The following NEB variants were observed in gnomAD, a reference collection of about 807,000 sequenced individuals.
The protein encoded by NEB is nebulin, also known as nemaline myopathy type 2.
In NEB, 512 loss-of-function variants were observed where a neutral mutation model predicts 952.2. The observed-to-expected ratio is 0.54, with a 90% CI of 0.50 to 0.58. The LOEUF is 0.58. Among genes scored for constraint, NEB ranks in the 20% least tolerant of loss-of-function variants. The probability of loss-of-function intolerance (pLI) is 0.00; values close to 1 mark genes in which losing one functional copy is unlikely to be tolerated. For synonymous variants in NEB, 2,900 were observed against 3,149.8 expected, an observed-to-expected ratio of 0.92 and a Z score of 2.66; for missense variants, 8,428 against 9,231.1, an observed-to-expected ratio of 0.91 and a Z score of 3.56.
chr2:151,559,507 C>T (rs530166491), intron 124 of NEB, among the ~76,000 whole-genome samples: 2 of 152,344 alleles, frequency 1.3e-5, no homozygotes, highest in African/African-American at 4.8e-5. Flanking sequence ...TTTATTGCAG[C>T]ACTCTTCACC....
In NEB at chr2:151,560,958, G is replaced by T. The variant is rs76261031; in HGVS notation, c.19206+46C>A. The T allele has an allele frequency of 0.021, 25,195 of 1,176,964 alleles. 325 individuals are homozygous for T. The highest frequency in any genetic ancestry group is 0.038 in the African/African-American group (2,479 of 65,678). The allele number at this position is 1,176,964 out of a possible 1,614,324, so 72.9% of individuals were successfully genotyped here. ...ATTTATTCTCTTACTGTCCCAGAAG[G>T]GGGAAAGGTGGCTCATATATAAGGG... is the stretch of plus-strand genomic sequence containing the variant. On this transcript the variant is annotated intron_variant, in intron 123 of 181. Coordinates refer to ENST00000397345, the MANE Select transcript of NEB (RefSeq NM_001164508.2).
chr2:151,538,529 G>T (rs1358684585), intron 138 of NEB, among the ~76,000 whole-genome samples: 6 of 152,082 alleles, frequency 3.9e-5, no homozygotes, highest in Non-Finnish European at 8.8e-5. Context: ...GAGGATATGG[G>T]TGTTCCCCTG....
At chr2:151,497,781 T>C in intron 170 of NEB, 63 bp from the exon 171 acceptor site, 1 of 1,544,692 alleles carries the variant, frequency 6.5e-7, no homozygotes, top group Non-Finnish European at 8.7e-7. Context: ...TTGGGACTTT[T>C]TAAGGATGAG....
At chr2:151,518,532 A>C (rs551789097) in intron 155 of NEB, 110 bp from the exon 156 acceptor site, 137 of 719,804 alleles carry the variant, frequency 1.9e-4, no homozygotes, top group Non-Finnish European at 3.2e-4. Context: ...GATCAAACTA[A>C]AAATGGCAAA....
At chr2:151,572,340 GTAAT>G (rs1179366143) in intron 107 of NEB, among the ~76,000 whole-genome samples, 4 of 151,322 alleles carry the variant, frequency 2.6e-5, no homozygotes, top group East Asian at 3.9e-4. Context: ...AATAAATAAA[GTAAT>G]TAATTAATTA....
chr2:151,522,742 T>C (rs1373045446), intron 153 of NEB, among the ~76,000 whole-genome samples: 1 of 152,208 alleles, frequency 6.6e-6, no homozygotes, highest in East Asian at 1.9e-4. Flanking sequence ...CTTACATCAC[T>C]GATGTGTACA....
Position 151,518,956 on chromosome 2 carries a change from T to C in NEB, c.22695+9A>G. 4 of 1,591,266 alleles carry C rather than the reference T, an allele frequency of 2.5e-6. No individual in the cohort carries two copies. The highest frequency in any genetic ancestry group is 3.5e-6 in the Non-Finnish European group (4 of 1,159,414). On this transcript the variant is annotated intron_variant, in intron 155 of 181. Coordinates refer to ENST00000397345, the MANE Select transcript of NEB (RefSeq NM_001164508.2). ...ACAAGCTGTTTCTGGAGCAAATGACTGAGCTTACAGAACTGGCAAGTTGGC... is the reference window on the plus strand; with the variant it reads ...ACAAGCTGTTTCTGGAGCAAATGACCGAGCTTACAGAACTGGCAAGTTGGC...
chr2:151,509,253 G>T (rs563984509), intron 161 of NEB, among the ~76,000 whole-genome samples: 67 of 152,312 alleles, frequency 4.4e-4, no homozygotes, highest in Admixed American at 9.8e-4. Flanking sequence ...GGAAGAAACG[G>T]TAGTTCATCA....
intron 36 of NEB, 51 bp from the exon 37 acceptor site, chr2:151,672,731 C>T (rs1288154131): frequency 7.0e-5 from 102 of 1,451,932 alleles, no homozygotes; most frequent in Non-Finnish European, 8.1e-5. Context: ...ATAGCATTAG[C>T]GCTGCAATTA....
rs558453820 is a variant in NEB, at chr2:151,648,550, C to T, written c.7431+1626G>A. ...CATCACTGGAGCAACACACATTGTA[C>T]CCACCAAGCAAACAGCAGAGTTTCT... On this transcript the variant is annotated intron_variant, in intron 54 of 181. Transcript: ENST00000397345. 1.6e-4 allele frequency among the ~76,000 whole-genome samples: 25 copies of T among 152,288 alleles called. 1 individual carries two copies. The South Asian group carries it at 2.5e-3, about 15-fold the overall frequency.
At chr2:151,573,352 A>G (rs778063477) in intron 107 of NEB, among the ~76,000 whole-genome samples, 1 of 152,176 alleles carries the variant, frequency 6.6e-6, no homozygotes, top group South Asian at 2.1e-4. Flanking sequence ...TGAGAAATTT[A>G]TCATGCAAAA....
chr2:151,663,679 C>T lies in NEB; in HGVS notation c.5632G>A (p.Val1878Met). The T allele has an allele frequency of 6.2e-7, 1 of 1,613,794 alleles. No individual in the cohort carries two copies. The highest frequency in any genetic ancestry group is 8.5e-7 in the Non-Finnish European group (1 of 1,179,786). The change falls in exon 45 of 182, where the codon GTG (valine) becomes ATG (methionine). Residue 1878 changes from valine (V) to methionine (M), a missense_variant. By Grantham distance (21) the Val-to-Met change is conservative. Coordinates refer to ENST00000397345, the MANE Select transcript of NEB (RefSeq NM_001164508.2). ...TCCTGAGACTTCTTGGCTGCCACCA[C>T]ACTGAGCATGTCCACCGGGGTGTGG... ...SFHTPVDMLS[V>M]VAAKKSQEVA...
intron 156 of NEB, among the ~76,000 whole-genome samples, chr2:151,517,788 G>T (rs979036256): frequency 3.9e-5 from 6 of 152,172 alleles, no homozygotes; most frequent in Admixed American, 1.3e-4. Context: ...GGTATTAAAG[G>T]TTTTAAAATG....
At chr2:151,517,526 T>C (rs1239891899) in intron 156 of NEB, among the ~76,000 whole-genome samples, 1 of 152,228 alleles carries the variant, frequency 6.6e-6, no homozygotes, top group Non-Finnish European at 1.5e-5. Flanking sequence ...CATGAATTGC[T>C]TAACAACTGG....
At chr2:151,683,658 G>T (rs147010381) in intron 28 of NEB, among the ~76,000 whole-genome samples, 187 of 152,238 alleles carry the variant, frequency 1.2e-3, no homozygotes, top group African/African-American at 4.1e-3. Flanking sequence ...CAGTATGGTG[G>T]TTCCTCTACA....
intron 23 of NEB, 110 bp from the exon 24 acceptor site, chr2:151,690,935 C>G (rs978289487): frequency 5.2e-6 from 4 of 766,802 alleles, no homozygotes; most frequent in African/African-American, 5.2e-5. Context: ...TTCCTGAAAA[C>G]TTAGTTGATG....
chr2:151,549,816 A>T (rs2095153772), intron 129 of NEB, 76 bp from the exon 130 acceptor site: 1 of 818,680 alleles, frequency 1.2e-6, no homozygotes, highest in Non-Finnish European at 2.1e-6. Flanking sequence ...AATCACATAT[A>T]GCTCATGTTA....
intron 19 of NEB, 24 bp from the exon 20 acceptor site, chr2:151,694,460 G>A (rs764580437): frequency 1.2e-6 from 2 of 1,612,498 alleles, no homozygotes; most frequent in African/African-American, 2.7e-5. Flanking sequence ...ACACATGCCA[G>A]ATTCCACTCA....
rs201825451 is a variant in NEB at position 151,492,120 on chromosome 2, G to A, written c.25035C>T (p.Asp8345=). ...TACCTGTAATAGTCTCCTGATCTTG[G>A]TCATTCCGTTTTTGTTCCATTTCTA... ...KVVEMEQKRN[D]QDQETITGLR... The change falls in exon 178 of 182, where the codon GAC becomes GAT. Residue 8345 remains aspartate, a synonymous_variant. Transcript: ENST00000397345. 1.1e-3 allele frequency: 1,830 copies of A among 1,613,808 alleles called. 9 individuals are homozygous for A. The highest frequency in any genetic ancestry group is 9.6e-3 in the Middle Eastern group (58 of 6,056).
Sources: allele counts gnomAD v4.1 joint callset (sites outside exome capture counted in the v4.1 genomes callset), GRCh38; gene constraint gnomAD v4.1.1; transcripts MANE v1.5; gene names NCBI Gene and HGNC (gene_info 2026-07-23, HGNC 2026-07-21).